Variants in AUTS2 observed in about 807,000 individuals in gnomAD.
The protein encoded by AUTS2 is activator of transcription and developmental regulator AUTS2.
Under a neutral mutation model 112.4 loss-of-function variants are expected in AUTS2, and 17 were observed. That is an observed-to-expected ratio of 0.15 (90% CI 0.10 to 0.23). The LOEUF (loss-of-function observed/expected upper bound fraction) is 0.23. AUTS2 is among the 10% of genes least tolerant of loss of function. The pLI, the probability that AUTS2 is intolerant of heterozygous loss-of-function variation, is 1.00. For synonymous variants in AUTS2, 751 were observed against 702.7 expected (o/e 1.07, Z -1.09); for missense variants, 1,510 against 1,701.6 (o/e 0.89, Z 1.98).
At chr7:70,289,264 G>C (rs1042775489) in intron 4 of AUTS2, among the ~76,000 whole-genome samples, 1 of 152,204 alleles carries the variant, frequency 6.6e-6, no homozygotes, top group Non-Finnish European at 1.5e-5. Context: ...TATGATCCAA[G>C]GAACATCTGA....
chr7:70,462,851 GGAGGCT>G (rs1797021252), intron 5 of AUTS2, among the ~76,000 whole-genome samples: 1 of 152,240 alleles, frequency 6.6e-6, no homozygotes, highest in East Asian at 1.9e-4. Flanking sequence ...CAGCTACTCG[GGAGGCT>G]GAGGCAGGGA....
intron 4 of AUTS2, among the ~76,000 whole-genome samples, chr7:70,237,465 C>T (rs140665909): frequency 5.8e-4 from 88 of 152,288 alleles, no homozygotes; most frequent in South Asian, 8.3e-4. Flanking sequence ...CTAAAAAGGA[C>T]TCTTCTACTC....
intron 2 of AUTS2, among the ~76,000 whole-genome samples, chr7:70,039,260 A>C (rs183390199): frequency 2.7e-4 from 41 of 152,288 alleles, no homozygotes; most frequent in African/African-American, 9.6e-4. Flanking sequence ...AAGGGGATCC[A>C]TATTCTAAAA....
At chr7:70,514,955 A>G (rs1799355436) in intron 5 of AUTS2, among the ~76,000 whole-genome samples, 1 of 152,134 alleles carries the variant, frequency 6.6e-6, no homozygotes, top group African/African-American at 2.4e-5. Flanking sequence ...TCCTTTGTCC[A>G]TATTTTTATT....
At chr7:69,610,787 C>CA (rs956622516) in intron 1 of AUTS2, among the ~76,000 whole-genome samples, 1 of 152,106 alleles carries the variant, frequency 6.6e-6, no homozygotes, top group African/African-American at 2.4e-5. Context: ...TTGGGGAGTC[C>CA]AGGCGTGTCA....
chr7:69,721,048 A>T (rs1798904264), intron 1 of AUTS2, among the ~76,000 whole-genome samples: 1 of 152,222 alleles, frequency 6.6e-6, no homozygotes, highest in Non-Finnish European at 1.5e-5. Flanking sequence ...AGAGAGCACC[A>T]TCCAATTGTT....
At chr7:69,659,037 A>T (rs1378335164) in intron 1 of AUTS2, among the ~76,000 whole-genome samples, 1 of 152,246 alleles carries the variant, frequency 6.6e-6, no homozygotes, top group Non-Finnish European at 1.5e-5. Context: ...AAACAAAATA[A>T]ACCAGCAACT....
intron 1 of AUTS2, among the ~76,000 whole-genome samples, chr7:69,792,481 C>T (rs1211784771): frequency 6.6e-6 from 1 of 152,058 alleles, no homozygotes; most frequent in Non-Finnish European, 1.5e-5. Context: ...CCTCGTGATC[C>T]ACCCGCCTCA....
chr7:70,642,183 C>G (rs1805870267), intron 5 of AUTS2, among the ~76,000 whole-genome samples: 1 of 152,118 alleles, frequency 6.6e-6, no homozygotes, highest in Non-Finnish European at 1.5e-5. Context: ...TTTCTGATTT[C>G]TTGTTGATTT....
chr7:70,486,585 A>G (rs1305193607), intron 5 of AUTS2, among the ~76,000 whole-genome samples: 1 of 152,048 alleles, frequency 6.6e-6, no homozygotes, highest in Non-Finnish European at 1.5e-5. Context: ...AAAAACAAAA[A>G]ACAAAAACAA....
At chr7:70,591,566 T>G (rs1802948695) in intron 5 of AUTS2, among the ~76,000 whole-genome samples, 1 of 152,098 alleles carries the variant, frequency 6.6e-6, no homozygotes, top group Non-Finnish European at 1.5e-5. Flanking sequence ...CCTGACTAAC[T>G]TTATATATTT....
chr7:70,753,655 A>C (rs1172213743), intron 6 of AUTS2, among the ~76,000 whole-genome samples: 1 of 152,228 alleles, frequency 6.6e-6, no homozygotes, highest in Non-Finnish European at 1.5e-5. Flanking sequence ...AGTGAAGTGT[A>C]TGTTAGAGAA....
chr7:70,487,722 G>A (rs557919775), intron 5 of AUTS2, among the ~76,000 whole-genome samples: 12 of 152,302 alleles, frequency 7.9e-5, no homozygotes, highest in Middle Eastern at 3.4e-3. Context: ...GACTGGAGGC[G>A]TGCTGACAAG....
At chr7:70,077,270 T>C (rs995727251) in intron 2 of AUTS2, among the ~76,000 whole-genome samples, 8 of 152,198 alleles carry the variant, frequency 5.3e-5, no homozygotes, top group African/African-American at 1.4e-4. Context: ...ATGGTTCTTA[T>C]GGTCACTAAC....
In AUTS2 at chr7:69,899,533, G is replaced by A. The variant is rs776939107; in HGVS notation, c.522+35G>A. ...CTTGGGTTCGCTCTTTCCTGTGGCG[G>A]CAAAATCCCTTCCTTAGGTGCTTCC... is the stretch of plus-strand genomic sequence containing the variant. On this transcript the variant is annotated intron_variant, in intron 2 of 18. Transcript: ENST00000342771. 3 of 1,598,722 alleles carry A rather than the reference G, an allele frequency of 1.9e-6. No individual in the cohort carries two copies. In the South Asian group the frequency reaches 3.3e-5, roughly 18 times the overall value.
At chr7:70,080,940 C>T (rs1403596939) in intron 2 of AUTS2, among the ~76,000 whole-genome samples, 2 of 152,174 alleles carry the variant, frequency 1.3e-5, no homozygotes, top group Non-Finnish European at 2.9e-5. Flanking sequence ...AGGACCTCAG[C>T]AAGGCTTTGG....
At chr7:70,078,467 A>G (rs1360281340) in intron 2 of AUTS2, among the ~76,000 whole-genome samples, 1 of 152,168 alleles carries the variant, frequency 6.6e-6, no homozygotes, top group African/African-American at 2.4e-5. Flanking sequence ...AACCACAGAT[A>G]AGGGGTACTA....
At chr7:69,961,016 GTT>G (rs1471253612) in intron 2 of AUTS2, among the ~76,000 whole-genome samples, 1 of 152,120 alleles carries the variant, frequency 6.6e-6, no homozygotes, top group East Asian at 1.9e-4. Context: ...CTATGTGTGT[GTT>G]GGGCGTGTAT....
At chr7:70,606,587 G>A (rs932630196) in intron 5 of AUTS2, among the ~76,000 whole-genome samples, 7 of 152,148 alleles carry the variant, frequency 4.6e-5, no homozygotes, top group African/African-American at 7.2e-5. Context: ...GGGGCCAGAC[G>A]TGGTGGCTCA....
Sources: allele counts gnomAD v4.1 joint callset (sites outside exome capture counted in the v4.1 genomes callset), GRCh38; gene constraint gnomAD v4.1.1; transcripts MANE v1.5; gene names NCBI Gene and HGNC (gene_info 2026-07-23, HGNC 2026-07-21).